VWCE: variants seen among roughly 807,000 people sequenced by gnomAD.
The protein encoded by VWCE is von Willebrand factor C and EGF domain-containing protein.
In VWCE, 68 loss-of-function variants were observed where a neutral mutation model predicts 102.9. The ratio of observed to expected loss-of-function variants is 0.66; its 90% CI spans 0.54 to 0.81. VWCE has a LOEUF of 0.81. Among genes scored for constraint, VWCE ranks in the 30% least tolerant of loss-of-function variants. The pLI is 0.00. For synonymous variants in VWCE, 497 were observed against 515.4 expected (o/e 0.96, Z 0.48); for missense variants, 1,137 against 1,263.6 (o/e 0.90, Z 1.52).
intron 4 of VWCE, among the ~76,000 whole-genome samples, chr11:61,286,715 C>T (rs967141214): frequency 4.0e-5 from 6 of 151,378 alleles, no homozygotes; most frequent in African/African-American, 7.3e-5. Context: ...GCAGGAGAAT[C>T]GCTTGAACCC....
At position 61,259,610 on chromosome 11, in the gene VWCE, G is replaced by A. The variant is rs534748820; in HGVS notation, c.2231-298C>T. ...ACTGAGTGTGAATGAAAGGGTGCAC[G>A]GAGAGTCTCAGCCTAAACCTCAATG... On this transcript the variant is annotated intron_variant, in intron 19 of 19. Coordinates refer to ENST00000335613, the MANE Select transcript of VWCE (RefSeq NM_152718.2). Among the ~76,000 whole-genome samples the A allele has an allele frequency of 1.4e-4, 21 of 152,266 alleles. 1 individual carries two copies. The highest frequency in any genetic ancestry group is 4.8e-4 in the African/African-American group (20 of 41,542).
chr11:61,281,911 A>G lies in VWCE; in HGVS notation c.662T>C (p.Val221Ala). 2.5e-6 allele frequency: 4 copies of G among 1,613,040 alleles called. No individual in the cohort carries two copies. Among genetic ancestry groups the G allele is most frequent in the Non-Finnish European group, 3.4e-6 (4 of 1,179,402 alleles). Reference protein sequence around the residue: ...LHGNRHSCVDVNECRRPLERR... With the variant: ...LHGNRHSCVDANECRRPLERR... ...CTCCAATGGCCTCCGACACTCGTTT[A>G]CATCTGCGGGAGAGCCTCGCTGCGG... The change falls in exon 7 of 20, where the codon GTA (valine) becomes GCA (alanine). Residue 221 changes from valine (V) to alanine (A), a missense_variant. Physicochemically the swap from Val to Ala is moderately conservative, Grantham distance 64. Transcript: ENST00000335613.
intron 13 of VWCE, 138 bp from the exon 14 acceptor site, chr11:61,271,898 A>G: frequency 1.4e-6 from 1 of 719,898 alleles, no homozygotes; most frequent in East Asian, 2.8e-5. Context: ...ACACACACTC[A>G]TACAAATGCA....
At position 61,290,745 on chromosome 11, in the gene VWCE, G is replaced by A; in HGVS notation, c.424+54C>T. The A allele has an allele frequency of 2.6e-6, 4 of 1,561,212 alleles. No individual in the cohort carries two copies. The South Asian group carries it at 4.7e-5, about 18-fold the overall frequency. ...GACCATCCTGGCAGGAGGGGGAGGAGATATAATTCCCGCTGTCCCCCTCCC... is the reference window on the plus strand; with the variant it reads ...GACCATCCTGGCAGGAGGGGGAGGAAATATAATTCCCGCTGTCCCCCTCCC... On this transcript the variant is annotated intron_variant, in intron 4 of 19. Transcript: ENST00000335613.
chr11:61,262,100 T>G (rs1237865179), intron 19 of VWCE, among the ~76,000 whole-genome samples: 1 of 152,106 alleles, frequency 6.6e-6, no homozygotes, highest in Non-Finnish European at 1.5e-5. Context: ...ATTACAGGTG[T>G]GCACCAACAT....
At chr11:61,260,398 C>G (rs1854318337) in intron 19 of VWCE, among the ~76,000 whole-genome samples, 1 of 152,144 alleles carries the variant, frequency 6.6e-6, no homozygotes, top group South Asian at 2.1e-4. Context: ...CTCGGCTGTC[C>G]TACTTGCTGG....
chr11:61,275,670 C>G (rs1854880873), intron 11 of VWCE, among the ~76,000 whole-genome samples: 2 of 152,156 alleles, frequency 1.3e-5, no homozygotes, highest in South Asian at 4.1e-4. Flanking sequence ...ATAAATAGTA[C>G]TGCCTTACAG....
At chr11:61,286,472 A>C in intron 4 of VWCE, 42 bp from the exon 5 acceptor site, 1 of 1,555,042 alleles carries the variant, frequency 6.4e-7, no homozygotes, top group East Asian at 2.2e-5. Context: ...TGGTCCTCGC[A>C]AGAGGAACTT....
intron 5 of VWCE, among the ~76,000 whole-genome samples, chr11:61,283,795 T>G (rs141602200): frequency 3.9e-5 from 6 of 152,326 alleles, no homozygotes; most frequent in Non-Finnish European, 8.8e-5. Flanking sequence ...CCTTTCCCTC[T>G]TGTCTGGCTG....
Position 61,290,841 on chromosome 11 carries a change from C to G in VWCE, c.382G>C (p.Gly128Arg). Residue 128 changes from glycine (G) to arginine (R), a missense_variant, in exon 4 of 20, where the codon GGC becomes CGC. By Grantham distance (125) the Gly-to-Arg change is moderately radical (BLOSUM62 -2). Transcript: ENST00000335613. ...ACAGCTGTCTCCGTCATCGAGAAGC[C>G]CACGGGGCACACTCGGGCCACCTCC... ...CQEVARVCPV[G>R]FSMTETAVGI... 2 of 1,613,846 alleles carry G rather than the reference C, an allele frequency of 1.2e-6. No homozygotes were observed. The highest frequency in any genetic ancestry group is 1.7e-6 in the Non-Finnish European group (2 of 1,180,002).
chr11:61,272,514 T>C (rs1440442516), intron 13 of VWCE, among the ~76,000 whole-genome samples: 1 of 147,854 alleles, frequency 6.8e-6, no homozygotes, highest in African/African-American at 2.5e-5. Context: ...CAAAGACACA[T>C]GTACACAGAC....
chr11:61,290,555 G>A (rs1337520621), intron 4 of VWCE, among the ~76,000 whole-genome samples: 1 of 151,290 alleles, frequency 6.6e-6, no homozygotes, highest in Non-Finnish European at 1.5e-5. Flanking sequence ...ACCAACTGTG[G>A]CTCCCATAAC....
chr11:61,286,741 C>T (rs1446291372), intron 4 of VWCE, among the ~76,000 whole-genome samples: 2 of 151,786 alleles, frequency 1.3e-5, no homozygotes, highest in East Asian at 2.0e-4. Flanking sequence ...GCGGAGGTTG[C>T]GGTGAGCCGA....
chr11:61,292,560 G>T (rs183112483), intron 1 of VWCE, among the ~76,000 whole-genome samples: 3 of 152,304 alleles, frequency 2.0e-5, no homozygotes, highest in African/African-American at 4.8e-5. Flanking sequence ...TCTTGGGTGG[G>T]TGTGGGGTCA....
chr11:61,260,669 C>T (rs946182141), intron 19 of VWCE, among the ~76,000 whole-genome samples: 7 of 152,148 alleles, frequency 4.6e-5, no homozygotes, highest in Non-Finnish European at 8.8e-5. Context: ...GTGTTCAGAA[C>T]CCTTATACTG....
At chr11:61,274,785 GGT>G (rs1212088514) in intron 11 of VWCE, among the ~76,000 whole-genome samples, 1 of 152,180 alleles carries the variant, frequency 6.6e-6, no homozygotes, top group Non-Finnish European at 1.5e-5. Flanking sequence ...CAAAGGGGTG[GGT>G]GTGGCAGTTC....
chr11:61,264,930 C>G, intron 18 of VWCE, 26 bp downstream of exon 18: 1 of 1,612,100 alleles, frequency 6.2e-7, no homozygotes, highest in Non-Finnish European at 8.5e-7. Flanking sequence ...GGCGGGGCCG[C>G]TCCTGGGTTC....
At chr11:61,265,311 C>T in intron 16 of VWCE, 99 bp from the exon 17 acceptor site, 1 of 1,125,078 alleles carries the variant, frequency 8.9e-7, no homozygotes, top group Non-Finnish European at 1.2e-6. Flanking sequence ...TCCATCAGAA[C>T]AATCAACATT....
intron 10 of VWCE, 106 bp downstream of exon 10, chr11:61,278,288 T>C: frequency 8.2e-7 from 1 of 1,216,800 alleles, no homozygotes. Flanking sequence ...AATGTTCCCT[T>C]CCACTCAACA....
Sources: gnomAD v4.1 joint callset for allele counts (sites outside exome capture counted in the v4.1 genomes callset) on GRCh38, gnomAD v4.1.1 for gene constraint, MANE v1.5 for transcripts, NCBI Gene and HGNC (gene_info 2026-07-23, HGNC 2026-07-21) for gene names.